The following CHRM2 variants were observed in gnomAD, a reference collection of about 807,000 sequenced individuals.
CHRM2 encodes muscarinic acetylcholine receptor M2.
CHRM2 carries 8 observed loss-of-function variants against 25.0 expected under a neutral mutation model. That is an observed-to-expected ratio of 0.32 (90% CI 0.19 to 0.58). The LOEUF (loss-of-function observed/expected upper bound fraction) is 0.58. CHRM2 is among the 20% of genes least tolerant of loss of function. CHRM2 has a pLI of 0.88. For synonymous variants in CHRM2, 202 were observed against 205.7 expected (o/e 0.98, Z 0.15); for missense variants, 440 against 567.1 (o/e 0.78, Z 2.28).
intron 2 of CHRM2, among the ~76,000 whole-genome samples, chr7:136,964,997 T>C (rs1448905158): frequency 6.6e-6 from 1 of 152,104 alleles, no homozygotes; most frequent in Non-Finnish European, 1.5e-5. Context: ...ATCACTGACA[T>C]AAAGGCATGG....
intron 2 of CHRM2, among the ~76,000 whole-genome samples, chr7:136,881,207 G>A (rs1353101877): frequency 1.3e-5 from 2 of 150,534 alleles, no homozygotes; most frequent in East Asian, 1.9e-4. Flanking sequence ...GGACTGTCAT[G>A]TAATGGAAAT....
chr7:137,001,791 G>A (rs1268886300), intron 3 of CHRM2, among the ~76,000 whole-genome samples: 1 of 152,040 alleles, frequency 6.6e-6, no homozygotes, highest in African/African-American at 2.4e-5. Flanking sequence ...TCTCATCTGT[G>A]GAATAATATT....
At chr7:136,987,348 C>G (rs533455431) in intron 2 of CHRM2, among the ~76,000 whole-genome samples, 13 of 152,312 alleles carry the variant, frequency 8.5e-5, no homozygotes, top group Non-Finnish European at 1.8e-4. Flanking sequence ...GCTTCCTTCT[C>G]CACATGTGGG....
chr7:136,897,191 A>C (rs971489593), intron 2 of CHRM2, among the ~76,000 whole-genome samples: 1 of 151,862 alleles, frequency 6.6e-6, no homozygotes, highest in Non-Finnish European at 1.5e-5. Flanking sequence ...GCACTTAGGC[A>C]GATGGAAATG....
rs576399191 is a variant in CHRM2 at position 137,007,536 on chromosome 7, A to G, written c.-46-7284A>G. Among the ~76,000 whole-genome samples, 37 of 152,268 alleles carry G rather than the reference A, an allele frequency of 2.4e-4. No homozygotes were observed. In the South Asian group the frequency reaches 7.7e-3, roughly 32 times the overall value. ...GCTCATAAAAAAGCTCTAAATATGT[A>G]CAATGACTCATAATGTGTTGCATGG... On this transcript the variant is annotated intron_variant, in intron 3 of 3. Coordinates refer to ENST00000680005, the MANE Select transcript of CHRM2 (RefSeq NM_001006630.2).
At chr7:136,966,075 C>A (rs1278931255) in intron 2 of CHRM2, among the ~76,000 whole-genome samples, 1 of 151,794 alleles carries the variant, frequency 6.6e-6, no homozygotes, top group African/African-American at 2.4e-5. Flanking sequence ...ATGAAGAATA[C>A]TGTAAACTAG....
At chr7:136,986,267 G>A (rs1035652485) in intron 2 of CHRM2, among the ~76,000 whole-genome samples, 1 of 152,032 alleles carries the variant, frequency 6.6e-6, no homozygotes, top group African/African-American at 2.4e-5. Flanking sequence ...TTTTAAATAA[G>A]TATTCATCAT....
At chr7:137,003,688 A>C (rs1196151422) in intron 3 of CHRM2, among the ~76,000 whole-genome samples, 1 of 152,126 alleles carries the variant, frequency 6.6e-6, no homozygotes, top group Non-Finnish European at 1.5e-5. Flanking sequence ...CTAACCCAGC[A>C]GACAATGCAT....
chr7:136,889,047 C>CAAAAAA (rs56915229), intron 2 of CHRM2, among the ~76,000 whole-genome samples: 3 of 66,492 alleles, frequency 4.5e-5, no homozygotes, highest in Non-Finnish European at 7.7e-5. Flanking sequence ...GACTACATCT[C>CAAAAAA]AAAAAAAAAA....
intron 2 of CHRM2, among the ~76,000 whole-genome samples, chr7:136,982,187 A>T (rs1802533215): frequency 6.6e-6 from 1 of 152,096 alleles, no homozygotes; most frequent in African/African-American, 2.4e-5. Flanking sequence ...TGATCCCTTT[A>T]TCATTATGTA....
chr7:136,932,067 G>T (rs903532083), intron 2 of CHRM2, among the ~76,000 whole-genome samples: 2 of 152,120 alleles, frequency 1.3e-5, no homozygotes, highest in Admixed American at 6.5e-5. Flanking sequence ...TGTGTAGGTT[G>T]TATTTGGTGG....
At chr7:136,984,465 C>G (rs111582773) in intron 2 of CHRM2, among the ~76,000 whole-genome samples, 2 of 151,468 alleles carry the variant, frequency 1.3e-5, no homozygotes, top group African/African-American at 2.4e-5. Context: ...GTCTCGCTGG[C>G]GTTCCAGGCA....
At chr7:137,014,149 C>A (rs1005370575) in intron 3 of CHRM2, among the ~76,000 whole-genome samples, 5 of 151,758 alleles carry the variant, frequency 3.3e-5, no homozygotes, top group African/African-American at 1.2e-4. Context: ...AGCAAATATT[C>A]TTGTGTAAGA....
intron 2 of CHRM2, among the ~76,000 whole-genome samples, chr7:136,929,477 T>G (rs1395264696): frequency 2.6e-5 from 4 of 152,108 alleles, no homozygotes; most frequent in Non-Finnish European, 4.4e-5. Context: ...GATACCTCCT[T>G]AGGGAGGTTC....
chr7:136,907,316 T>G (rs1355262854), intron 2 of CHRM2, among the ~76,000 whole-genome samples: 1 of 151,878 alleles, frequency 6.6e-6, no homozygotes, highest in Admixed American at 6.6e-5. Context: ...ACTGTAAGTG[T>G]GTATTAGCCA....
intron 2 of CHRM2, among the ~76,000 whole-genome samples, chr7:136,929,115 C>T (rs1309187893): frequency 1.3e-5 from 2 of 151,788 alleles, no homozygotes; most frequent in Non-Finnish European, 2.9e-5. Context: ...ATCTCTAGAA[C>T]TTTTGGTCAT....
intron 2 of CHRM2, chr7:136,902,335 T>C (rs1400570635): frequency 6.6e-6 from 1 of 152,040 alleles, no homozygotes; most frequent in African/African-American, 2.4e-5. Context: ...GAATTAATAA[T>C]TGGTATAAAT....
Position 137,016,484 on chromosome 7 carries a change from T to A in CHRM2, c.*218T>A. The stretch of plus-strand genomic sequence containing the variant: ...GTCAGTATTAGGAGCAATGAGACAA[T>A]GAAAGAAACATGTTGGGATCGTGGA... On this transcript the variant is annotated 3_prime_UTR_variant, in exon 4 of 4. Coordinates refer to ENST00000680005, the MANE Select transcript of CHRM2 (RefSeq NM_001006630.2). 1 of 561,810 alleles carries A rather than the reference T, an allele frequency of 1.8e-6. No homozygotes were observed. Among genetic ancestry groups the A allele is most frequent in the Non-Finnish European group, 3.3e-6 (1 of 305,744 alleles). 34.8% of individuals were successfully genotyped at this position (561,810 alleles called of 1,614,324 possible).
At chr7:136,885,655 G>T (rs931412622) in intron 2 of CHRM2, among the ~76,000 whole-genome samples, 1 of 152,112 alleles carries the variant, frequency 6.6e-6, no homozygotes, top group Non-Finnish European at 1.5e-5. Context: ...GGATACAAAG[G>T]TGATTCATCA....
Sources: gnomAD v4.1 joint callset for allele counts (sites outside exome capture counted in the v4.1 genomes callset) on GRCh38, gnomAD v4.1.1 for gene constraint, MANE v1.5 for transcripts, NCBI Gene and HGNC (gene_info 2026-07-23, HGNC 2026-07-21) for gene names.